Variants in SHISA5 observed in about 807,000 individuals in gnomAD.
SHISA5 encodes protein shisa-5.
A neutral mutation model predicts 27.5 loss-of-function variants in SHISA5; 21 were observed. That is an observed-to-expected ratio of 0.76 (90% CI 0.54 to 1.10). The LOEUF (loss-of-function observed/expected upper bound fraction) is 1.10. Among genes scored for constraint, SHISA5 ranks in the 50% least tolerant of loss-of-function variants. The probability of loss-of-function intolerance (pLI) is 0.00; values close to 1 mark genes in which losing one functional copy is unlikely to be tolerated. For missense variants in SHISA5, 314 were observed against 336.3 expected (o/e 0.93, Z 0.52); for synonymous variants, 137 against 142.2 (o/e 0.96, Z 0.26).
chr3:48,468,093 T>A lies in SHISA5; in HGVS notation c.*1014A>T. On this transcript the variant is annotated 3_prime_UTR_variant, in exon 6 of 6. Coordinates refer to ENST00000296444, the MANE Select transcript of SHISA5 (RefSeq NM_016479.6). ...TCCCTGCTGCCAGAACACCGTGGAC[T>A]GGGGTACAGGAGTTGTTGCATATTC... The A allele has an allele frequency of 2.1e-6, 2 of 958,746 alleles. No individual in the cohort carries two copies. Among genetic ancestry groups the A allele is most frequent in the Non-Finnish European group, 2.5e-6 (2 of 794,476 alleles). The allele number at this position is 958,746 out of a possible 1,614,324, so 59.4% of individuals were successfully genotyped here.
chr3:48,499,594 G>T (rs112588950), intron 2 of SHISA5, among the ~76,000 whole-genome samples: 1 of 148,108 alleles, frequency 6.8e-6, no homozygotes, highest in African/African-American at 2.5e-5. Flanking sequence ...GTAGGAGAAT[G>T]GCGTGAACCT....
At chr3:48,487,597 C>CAA in intron 2 of SHISA5, among the ~76,000 whole-genome samples, 1 of 151,852 alleles carries the variant, frequency 6.6e-6, no homozygotes, top group South Asian at 2.1e-4. Flanking sequence ...CTCACACACA[C>CAA]AAAAAAAGAA....
At chr3:48,500,438 A>G (rs2041719866) in intron 2 of SHISA5, among the ~76,000 whole-genome samples, 1 of 152,142 alleles carries the variant, frequency 6.6e-6, no homozygotes, top group Non-Finnish European at 1.5e-5. Context: ...CCTGGGCAAC[A>G]TGGTGAGACT....
In SHISA5 at chr3:48,473,672, G is replaced by A; in HGVS notation, c.315-3829C>T. ...TGCTCAAACGCCAGCTATGGCTCCT[G>A]TAGCTCTTGCGATTACAAAGGAATT... On this transcript the variant is annotated intron_variant, in intron 3 of 5. Transcript: ENST00000296444. This position sits in a 1 kb window ranked among gnomAD's most constrained non-coding sequence, Gnocchi z 4.3. 9.2e-7 allele frequency: 1 copy of A among 1,082,142 alleles called. No individual in the cohort carries two copies. The highest frequency in any genetic ancestry group is 1.2e-6 in the Non-Finnish European group (1 of 851,240). 67.0% of individuals were successfully genotyped at this position (1,082,142 alleles called of 1,614,324 possible).
chr3:48,485,513 AT>A (rs71074251), intron 2 of SHISA5, among the ~76,000 whole-genome samples: 3 of 144,152 alleles, frequency 2.1e-5, no homozygotes, highest in East Asian at 2.0e-4. Flanking sequence ...AAAAATATAT[AT>A]TTTTATATAT....
rs1472868214 is a variant in SHISA5, at chr3:48,469,331, G to A, written c.643+30C>T. ...ATGCTGGCAGAGACTCGGGAAGTCG[G>A]GCAGGGCTAGAGTTGGCAGGGGCAC... On this transcript the variant is annotated intron_variant, in intron 5 of 5. Coordinates refer to ENST00000296444, the MANE Select transcript of SHISA5 (RefSeq NM_016479.6). The surrounding 1 kb of genome is among the most constrained non-coding windows in gnomAD (Gnocchi z 4.6). 3 of 1,569,872 alleles carry A rather than the reference G, an allele frequency of 1.9e-6. No homozygotes were observed. Among genetic ancestry groups the A allele is most frequent in the East Asian group, 2.2e-5 (1 of 44,504 alleles).
chr3:48,490,885 C>T (rs1472028071), intron 2 of SHISA5, among the ~76,000 whole-genome samples: 1 of 152,116 alleles, frequency 6.6e-6, no homozygotes, highest in African/African-American at 2.4e-5. Context: ...GAATAGGAAA[C>T]ATTTGTCATC....
intron 2 of SHISA5, among the ~76,000 whole-genome samples, chr3:48,492,618 A>G (rs2041468361): frequency 6.8e-6 from 1 of 148,024 alleles, no homozygotes; most frequent in African/African-American, 2.7e-5. Context: ...AGGTCTGTAC[A>G]AGCCTTCGCC....
At position 48,469,154 on chromosome 3, in the gene SHISA5, G is replaced by C. The variant is rs1039510606; in HGVS notation, c.676C>G (p.Pro226Ala). 4 of 1,612,758 alleles carry C rather than the reference G, an allele frequency of 2.5e-6. No individual in the cohort carries two copies. Among genetic ancestry groups the C allele is most frequent in the South Asian group, 1.1e-5 (1 of 91,082 alleles). The change falls in exon 6 of 6, where the codon CCT becomes GCT. Residue 226 changes from proline to alanine, a missense_variant. Coordinates refer to ENST00000296444, the MANE Select transcript of SHISA5 (RefSeq NM_016479.6). The surrounding 1 kb of genome is among the most constrained non-coding windows in gnomAD (Gnocchi z 4.6). ...TCCATGTAGGCCGGGTTGTAAGGAGGCTGGCTGGCGGGGTAGGGCGCGGCT... is the reference window on the plus strand; with the variant it reads ...TCCATGTAGGCCGGGTTGTAAGGAGCCTGGCTGGCGGGGTAGGGCGCGGCT... ...GAAAPYPASQ[P>A]PYNPAYMDAP...
intron 2 of SHISA5, among the ~76,000 whole-genome samples, chr3:48,498,195 C>T (rs761221564): frequency 6.6e-6 from 1 of 152,138 alleles, no homozygotes; most frequent in African/African-American, 2.4e-5. Context: ...ACTAGAAATG[C>T]AGAGAACTTC....
At chr3:48,476,230 AC>A (rs1355492973) in intron 3 of SHISA5, among the ~76,000 whole-genome samples, 1 of 151,796 alleles carries the variant, frequency 6.6e-6, no homozygotes, top group Non-Finnish European at 1.5e-5. Context: ...AATCCCAGCT[AC>A]TCAGGAAGCT....
intron 2 of SHISA5, among the ~76,000 whole-genome samples, chr3:48,498,689 G>GAAAAAAAA (rs11294310): frequency 5.2e-4 from 42 of 80,292 alleles, no homozygotes; most frequent in Middle Eastern, 9.8e-3. Context: ...TCTCCAGAAA[G>GAAAAAAAA]AAAAAAAAAA....
rs116767645 is a variant in SHISA5, at chr3:48,497,239, C to T, written c.233+3898G>A. 3.5e-3 allele frequency among the ~76,000 whole-genome samples: 515 copies of T among 147,788 alleles called. 3 individuals are homozygous for T. Among genetic ancestry groups the T allele is most frequent in the African/African-American group, 0.012 (494 of 39,984 alleles). ...GTCTTGCTACTTCTTGTGGGGTTAA[C>T]GGTCTTAAGGCTTCCAGAACAAGTT... On this transcript the variant is annotated intron_variant, in intron 2 of 5. Transcript: ENST00000296444.
intron 1 of SHISA5, chr3:48,503,169 C>T (rs1160074087): frequency 1.6e-6 from 2 of 1,289,824 alleles, no homozygotes; most frequent in South Asian, 2.5e-5. Flanking sequence ...GTCTTCACAG[C>T]CCAATCTGAG....
intron 2 of SHISA5, among the ~76,000 whole-genome samples, chr3:48,488,035 C>T (rs1475800935): frequency 6.6e-6 from 1 of 152,006 alleles, no homozygotes; most frequent in Non-Finnish European, 1.5e-5. Flanking sequence ...ACCAGTGAAG[C>T]TAAGGAGAAA....
Position 48,469,826 on chromosome 3 carries a change from G to A in SHISA5, c.332C>T (p.Ala111Val), listed in dbSNP as rs1340315013. Residue 111 changes from alanine to valine, a missense_variant, in exon 4 of 6, where the codon GCC becomes GTC. Coordinates refer to ENST00000296444, the MANE Select transcript of SHISA5 (RefSeq NM_016479.6). The surrounding 1 kb of genome is among the most constrained non-coding windows in gnomAD (Gnocchi z 4.6). ...CAGCACAAAGATGGTCAGGCCAACG[G>A]CCAAGGTCGCTCCGAACCTGCCAAA... ...DPMSGFGATL[A>V]VGLTIFVLSV... The A allele has an allele frequency of 6.2e-7, 1 of 1,613,822 alleles. No individual in the cohort carries two copies. Among genetic ancestry groups the A allele is most frequent in the Non-Finnish European group, 8.5e-7 (1 of 1,179,856 alleles).
intron 2 of SHISA5, among the ~76,000 whole-genome samples, chr3:48,495,329 CTTT>C (rs1251963124): frequency 1.4e-4 from 17 of 119,660 alleles, no homozygotes; most frequent in Non-Finnish European, 2.3e-4. Context: ...TTTTACGACG[CTTT>C]TTTTTTTTTT....
chr3:48,473,372 C>T lies in SHISA5; in HGVS notation c.315-3529G>A. The T allele has an allele frequency of 7.5e-7, 1 of 1,340,998 alleles. No individual in the cohort carries two copies. 83.1% of individuals were successfully genotyped at this position (1,340,998 alleles called of 1,614,324 possible). On this transcript the variant is annotated intron_variant, in intron 3 of 5. Coordinates refer to ENST00000296444, the MANE Select transcript of SHISA5 (RefSeq NM_016479.6). This position sits in a 1 kb window ranked among gnomAD's most constrained non-coding sequence, Gnocchi z 4.3. Reference sequence around the variant, plus strand: ...GGGGGTCTAAGAGCCACCCCAGCCTCAGTGGGCCCCAACCACACTCTAGCT... The same window carrying T: ...GGGGGTCTAAGAGCCACCCCAGCCTTAGTGGGCCCCAACCACACTCTAGCT...
At chr3:48,502,530 C>A in intron 1 of SHISA5, 1 of 371,212 alleles carries the variant, frequency 2.7e-6, no homozygotes, top group Non-Finnish European at 5.5e-6. Context: ...CGAGGTCATG[C>A]TGAGGGGATC....
Sources: allele counts gnomAD v4.1 joint callset (sites outside exome capture counted in the v4.1 genomes callset), GRCh38; gene constraint gnomAD v4.1.1; non-coding constraint Gnocchi (gnomAD v3.1); transcripts MANE v1.5; gene names NCBI Gene and HGNC (gene_info 2026-07-23, HGNC 2026-07-21).